The following SLC5A8 variants were observed in gnomAD, a reference collection of about 807,000 sequenced individuals.
The protein encoded by SLC5A8 is solute carrier family 5 member 8, also known as sodium-coupled monocarboxylate transporter 1.
A neutral mutation model predicts 71.9 loss-of-function variants in SLC5A8; 55 were observed. The observed-to-expected ratio is 0.77, with a 90% CI of 0.62 to 0.96. SLC5A8 has a LOEUF of 0.96. Ranked by LOEUF, SLC5A8 falls within the 40% of genes least tolerant of loss-of-function variation. The pLI, the probability that SLC5A8 is intolerant of heterozygous loss-of-function variation, is 0.00. For missense variants in SLC5A8, 701 were observed against 745.3 expected (o/e 0.94, Z 0.69); for synonymous variants, 307 against 276.1 (o/e 1.11, Z -1.11).
chr12:101,164,292 A>G (rs996871989), intron 12 of SLC5A8, among the ~76,000 whole-genome samples: 5 of 152,220 alleles, frequency 3.3e-5, no homozygotes, highest in Non-Finnish European at 5.9e-5. Context: ...TGGACTAAAG[A>G]CTTCAATAAC....
intron 14 of SLC5A8, among the ~76,000 whole-genome samples, chr12:101,157,709 A>G (rs547932713): frequency 6.6e-6 from 1 of 152,276 alleles, no homozygotes; most frequent in East Asian, 1.9e-4. Context: ...AGACAGATAT[A>G]GAGAGATATA....
At chr12:101,200,412 T>A (rs1869410160) in intron 3 of SLC5A8, among the ~76,000 whole-genome samples, 2 of 152,024 alleles carry the variant, frequency 1.3e-5, no homozygotes, top group Non-Finnish European at 1.5e-5. Context: ...AAAACTAGTT[T>A]TCTCAACAGG....
At position 101,180,034 on chromosome 12, in the gene SLC5A8, A is replaced by C. The variant is rs61738704; in HGVS notation, c.1228T>G (p.Leu410Val). 2 of 1,614,034 alleles carry C rather than the reference A, an allele frequency of 1.2e-6. No homozygotes were observed. The highest frequency in any genetic ancestry group is 1.7e-6 in the Non-Finnish European group (2 of 1,179,912). Residue 410 changes from leucine (L) to valine (V), a missense_variant, in exon 10 of 15, where the codon TTG (leucine) becomes GTG (valine). Leu to Val is a conservative substitution (Grantham distance 32). Coordinates refer to ENST00000536262, the MANE Select transcript of SLC5A8 (RefSeq NM_145913.5). ...AALASLMGAL[L>V]QAALSVFGMV... ...CTCCAGGGGCCAGCTCTCACCTGCA[A>C]CAAAGCTCCCATAAGTGACGCCAGC...
At chr12:101,163,689 T>C (rs2051743164) in intron 12 of SLC5A8, among the ~76,000 whole-genome samples, 2 of 152,016 alleles carry the variant, frequency 1.3e-5, no homozygotes, top group African/African-American at 4.8e-5. Context: ...CAATGAGAAC[T>C]TGAGGTGACA....
intron 1 of SLC5A8, 48 bp downstream of exon 1, chr12:101,209,450 T>C: frequency 6.9e-7 from 1 of 1,445,762 alleles, no homozygotes; most frequent in Non-Finnish European, 9.3e-7. Context: ...GTCTGCAGAG[T>C]CCCCTTCCCC....
At chr12:101,190,399 T>G in intron 6 of SLC5A8, 69 bp downstream of exon 6, 2 of 1,533,348 alleles carry the variant, frequency 1.3e-6, no homozygotes, top group Non-Finnish European at 1.8e-6. Context: ...TAAACGTGAC[T>G]TATGAAAGAG....
At chr12:101,169,791 C>T (rs1361474277) in intron 10 of SLC5A8, among the ~76,000 whole-genome samples, 2 of 152,170 alleles carry the variant, frequency 1.3e-5, no homozygotes, top group Non-Finnish European at 2.9e-5. Flanking sequence ...CTGGGCACTG[C>T]AGTAGGAACC....
At chr12:101,158,175 T>G in intron 14 of SLC5A8, 74 bp downstream of exon 14, 5 of 1,029,328 alleles carry the variant, frequency 4.9e-6, no homozygotes, top group Non-Finnish European at 7.5e-6. Flanking sequence ...AGAAAGAGGT[T>G]GAGAACTAAT....
intron 7 of SLC5A8, among the ~76,000 whole-genome samples, chr12:101,185,348 T>G (rs935349336): frequency 2.6e-5 from 4 of 152,234 alleles, no homozygotes; most frequent in Non-Finnish European, 4.4e-5. Context: ...TATAGTGTTA[T>G]AAAAAGGTCC....
chr12:101,158,576 CTCTCTCTCTCTCTCTCTCTCTCTATATA>C (rs1419168505), intron 13 of SLC5A8, among the ~76,000 whole-genome samples: 86 of 53,234 alleles, frequency 1.6e-3, no homozygotes, highest in African/African-American at 2.1e-3. Context: ...CTCTCTCTCT[CTCTCTCTCTCTCTCTCTCTCTCTATATA>C]TATATATATA....
intron 10 of SLC5A8, among the ~76,000 whole-genome samples, chr12:101,176,142 G>GA (rs569871552): frequency 1.1e-4 from 17 of 151,814 alleles, no homozygotes; most frequent in African/African-American, 3.9e-4. Flanking sequence ...GGTTCAAAGT[G>GA]AAAAAATGGA....
At position 101,210,174 on chromosome 12, in the gene SLC5A8, A is replaced by AAATTTTTTAAT; in HGVS notation, c.-327_-326insATTAAAAAATT. On this transcript the variant is annotated 5_prime_UTR_variant, in exon 1 of 15. Coordinates refer to ENST00000536262, the MANE Select transcript of SLC5A8 (RefSeq NM_145913.5). ...GGCGCCGGGGACACCTGAGCAGATG[A>AAATTTTTTAAT]GAACTGGAGCCTCCAGCTGCTTCCA... is the stretch of plus-strand genomic sequence containing the variant. 1 of 334,166 alleles carries AAATTTTTTAAT rather than the reference A, an allele frequency of 3.0e-6. No individual in the cohort carries two copies. The allele number at this position is 334,166 out of a possible 1,614,324, so 20.7% of individuals were successfully genotyped here.
intron 6 of SLC5A8, among the ~76,000 whole-genome samples, chr12:101,189,814 T>C (rs547386168): frequency 2.0e-5 from 3 of 152,218 alleles, no homozygotes; most frequent in African/African-American, 4.8e-5. Flanking sequence ...ATCCTCCACC[T>C]TCACATCACA....
intron 13 of SLC5A8, among the ~76,000 whole-genome samples, chr12:101,159,173 A>G (rs1156828569): frequency 6.6e-6 from 1 of 152,124 alleles, no homozygotes; most frequent in East Asian, 1.9e-4. Flanking sequence ...AAAATTTCCA[A>G]GAGGATCCTT....
Position 101,157,183 on chromosome 12 carries a change from A to AACACACC in SLC5A8, c.*95_*96insGGTGTGT. 1 of 1,391,746 alleles carries AACACACC rather than the reference A, an allele frequency of 7.2e-7. No individual in the cohort carries two copies. The highest frequency in any genetic ancestry group is 9.7e-7 in the Non-Finnish European group (1 of 1,031,604). 86.2% of individuals were successfully genotyped at this position (1,391,746 alleles called of 1,614,324 possible). A position where few individuals can be genotyped will look rare whatever the true frequency, so the allele number is the denominator to read the frequency against. On this transcript the variant is annotated 3_prime_UTR_variant, in exon 15 of 15. Coordinates refer to ENST00000536262, the MANE Select transcript of SLC5A8 (RefSeq NM_145913.5). ...CTTATCCCCCAAACACTCATGATAC[A>AACACACC]ACACACACACACACACAAAGAAAAC... is the stretch of plus-strand genomic sequence containing the variant.
chr12:101,183,890 T>C (rs768686313), intron 8 of SLC5A8, among the ~76,000 whole-genome samples: 39 of 152,194 alleles, frequency 2.6e-4, no homozygotes, highest in Non-Finnish European at 5.0e-4. Flanking sequence ...ACCATAGGTA[T>C]CACATCATAG....
intron 13 of SLC5A8, among the ~76,000 whole-genome samples, chr12:101,158,598 C>CTATATATATATATATATATATATA (rs139268658): frequency 1.4e-4 from 3 of 21,234 alleles, no homozygotes; most frequent in Non-Finnish European, 1.8e-4. Context: ...CTCTCTCTCT[C>CTATATATATATATATATATATATA]TATATATATA....
chr12:101,174,541 CT>C (rs1393564453), intron 10 of SLC5A8, among the ~76,000 whole-genome samples: 5 of 152,128 alleles, frequency 3.3e-5, no homozygotes, highest in African/African-American at 1.2e-4. Flanking sequence ...GGTATTTAAG[CT>C]ATTATTGTAA....
At chr12:101,177,201 A>G (rs1375712123) in intron 10 of SLC5A8, among the ~76,000 whole-genome samples, 1 of 152,126 alleles carries the variant, frequency 6.6e-6, no homozygotes, top group African/African-American at 2.4e-5. Context: ...AAATTGTCAC[A>G]ATTCATCGAA....
Sources: allele counts gnomAD v4.1 joint callset (sites outside exome capture counted in the v4.1 genomes callset), GRCh38; gene constraint gnomAD v4.1.1; transcripts MANE v1.5; gene names NCBI Gene and HGNC (gene_info 2026-07-23, HGNC 2026-07-21).